Variants in PXDNL observed in about 807,000 individuals in gnomAD.
The protein encoded by PXDNL is peroxidasin like.
A neutral mutation model predicts 150.8 loss-of-function variants in PXDNL; 145 were observed. The ratio of observed to expected loss-of-function variants is 0.96; its 90% CI spans 0.84 to 1.10. The LOEUF (loss-of-function observed/expected upper bound fraction) is 1.10. Among genes scored for constraint, PXDNL ranks in the 50% least tolerant of loss-of-function variants. The pLI is 0.00. For synonymous variants in PXDNL, 757 were observed against 725.7 expected (o/e 1.04, Z -0.69); for missense variants, 2,087 against 1,873.9 (o/e 1.11, Z -2.10).
At chr8:51,331,944 T>A (rs1219515059) in intron 21 of PXDNL, among the ~76,000 whole-genome samples, 2 of 151,768 alleles carry the variant, frequency 1.3e-5, no homozygotes, top group African/African-American at 4.8e-5. Flanking sequence ...ATCTTGGTAG[T>A]TCTAGGGCCC....
chr8:51,370,217 G>A (rs1807059659), intron 19 of PXDNL, among the ~76,000 whole-genome samples: 1 of 152,228 alleles, frequency 6.6e-6, no homozygotes, highest in Non-Finnish European at 1.5e-5. Flanking sequence ...CACATGGGCA[G>A]AGGTGAGAAG....
chr8:51,484,858 T>C (rs1232103285), intron 5 of PXDNL, among the ~76,000 whole-genome samples: 2 of 152,156 alleles, frequency 1.3e-5, no homozygotes, highest in Non-Finnish European at 2.9e-5. Flanking sequence ...CAGCCAGGGA[T>C]TGTCTAGTCA....
chr8:51,662,659 A>T (rs1325146267), intron 1 of PXDNL, among the ~76,000 whole-genome samples: 3 of 152,256 alleles, frequency 2.0e-5, no homozygotes, highest in African/African-American at 7.2e-5. Context: ...GGGAGAATGT[A>T]CATAGTTTAT....
chr8:51,706,297 G>T (rs1232026474), intron 1 of PXDNL, among the ~76,000 whole-genome samples: 1 of 151,894 alleles, frequency 6.6e-6, no homozygotes, highest in African/African-American at 2.4e-5. Flanking sequence ...TCCAGGCTGG[G>T]TGATAATGAG....
At chr8:51,534,117 G>T (rs1386117930) in intron 4 of PXDNL, among the ~76,000 whole-genome samples, 2 of 143,782 alleles carry the variant, frequency 1.4e-5, no homozygotes, top group Non-Finnish European at 3.0e-5. Flanking sequence ...TGAGATGTGG[G>T]GAGCACCTCT....
At chr8:51,705,841 GCGCGC>G (rs1563513185) in intron 1 of PXDNL, among the ~76,000 whole-genome samples, 6 of 56,488 alleles carry the variant, frequency 1.1e-4, no homozygotes, top group African/African-American at 4.9e-4. Flanking sequence ...GTGCGCGCGC[GCGCGC>G]GCGCGCGTGC....
chr8:51,480,138 T>C (rs920165135), intron 6 of PXDNL, among the ~76,000 whole-genome samples: 3 of 152,230 alleles, frequency 2.0e-5, no homozygotes, highest in African/African-American at 7.2e-5. Flanking sequence ...TACTTAATCA[T>C]AACATTCTTT....
At chr8:51,495,396 C>G (rs1276758733) in intron 5 of PXDNL, among the ~76,000 whole-genome samples, 1 of 151,988 alleles carries the variant, frequency 6.6e-6, no homozygotes, top group African/African-American at 2.4e-5. Context: ...CAAACACATT[C>G]AAAAGCTAGC....
At chr8:51,441,047 C>T (rs988691101) in intron 12 of PXDNL, among the ~76,000 whole-genome samples, 1 of 152,146 alleles carries the variant, frequency 6.6e-6, no homozygotes, top group Non-Finnish European at 1.5e-5. Context: ...ATAATTCCCA[C>T]GTGTCAAGGG....
intron 17 of PXDNL, among the ~76,000 whole-genome samples, chr8:51,376,792 C>T (rs1807327430): frequency 6.6e-6 from 1 of 151,602 alleles, no homozygotes; most frequent in African/African-American, 2.4e-5. Context: ...GATCTCAGTT[C>T]ACTGCAAGCT....
At chr8:51,546,200 GA>G (rs1812358929) in intron 4 of PXDNL, among the ~76,000 whole-genome samples, 1 of 152,196 alleles carries the variant, frequency 6.6e-6, no homozygotes, top group African/African-American at 2.4e-5. Flanking sequence ...GTTAGAGGGG[GA>G]AAATTCAGCC....
intron 1 of PXDNL, among the ~76,000 whole-genome samples, chr8:51,670,331 A>G (rs1328197975): frequency 6.6e-6 from 1 of 152,216 alleles, no homozygotes; most frequent in Non-Finnish European, 1.5e-5. Context: ...GGATACGTTC[A>G]TAGAAATATG....
At chr8:51,638,453 C>A (rs1443402768) in intron 2 of PXDNL, among the ~76,000 whole-genome samples, 3 of 152,016 alleles carry the variant, frequency 2.0e-5, no homozygotes, top group East Asian at 1.9e-4. Flanking sequence ...ATTCAGGAGA[C>A]CCATCTCACG....
chr8:51,713,486 C>T (rs575063773), intron 1 of PXDNL, among the ~76,000 whole-genome samples: 2 of 152,310 alleles, frequency 1.3e-5, no homozygotes, highest in African/African-American at 2.4e-5. Flanking sequence ...TGTCACCCAC[C>T]CCAGTTGAAT....
At chr8:51,528,571 TGATTAA>T (rs772786314) in intron 4 of PXDNL, among the ~76,000 whole-genome samples, 15 of 152,206 alleles carry the variant, frequency 9.9e-5, no homozygotes, top group Middle Eastern at 3.4e-3. Flanking sequence ...TTTGCAGACG[TGATTAA>T]GATTAAGAGC....
At chr8:51,388,391 T>C (rs867365348) in intron 17 of PXDNL, among the ~76,000 whole-genome samples, 1 of 152,222 alleles carries the variant, frequency 6.6e-6, no homozygotes. Flanking sequence ...ACTTTCGCTT[T>C]TCTATTTATT....
intron 3 of PXDNL, among the ~76,000 whole-genome samples, chr8:51,566,234 G>T (rs1343222358): frequency 6.6e-6 from 1 of 151,702 alleles, no homozygotes; most frequent in Non-Finnish European, 1.5e-5. Flanking sequence ...GAGAGATATT[G>T]GTCTGTGGTT....
At chr8:51,578,367 G>T (rs1388543919) in intron 3 of PXDNL, among the ~76,000 whole-genome samples, 1 of 151,758 alleles carries the variant, frequency 6.6e-6, no homozygotes, top group Admixed American at 6.6e-5. Context: ...ATACTAAAAA[G>T]CAATACTCTT....
intron 1 of PXDNL, among the ~76,000 whole-genome samples, chr8:51,781,581 A>G (rs2037415567): frequency 6.6e-6 from 1 of 151,874 alleles, no homozygotes; most frequent in Non-Finnish European, 1.5e-5. Context: ...ACTTTCTTCT[A>G]CTCATAACCT....
Sources: gnomAD v4.1 joint callset for allele counts (sites outside exome capture counted in the v4.1 genomes callset) on GRCh38, gnomAD v4.1.1 for gene constraint, MANE v1.5 for transcripts, NCBI Gene and HGNC (gene_info 2026-07-23, HGNC 2026-07-21) for gene names.